The following TDRD15 variants were observed in gnomAD, a reference collection of about 807,000 sequenced individuals.
TDRD15 encodes tudor domain containing 15, also known as tudor domain-containing protein 15.
For synonymous variants in TDRD15, 503 were observed against 314.5 expected (o/e 1.60, Z -6.34); for missense variants, 1,416 against 904.7 (o/e 1.57, Z -7.25).
chr2:21,128,787 A>C (rs1380204556), intron 2 of TDRD15, among the ~76,000 whole-genome samples: 2 of 151,268 alleles, frequency 1.3e-5, no homozygotes, highest in Admixed American at 1.3e-4. Flanking sequence ...TTTTGAAAAG[A>C]ATTTTGTTTC....
At position 21,138,645 on chromosome 2, in the gene TDRD15, A is replaced by T. The variant is rs751383178; in HGVS notation, c.1178A>T (p.Asp393Val). The change falls in exon 4 of 4, where the codon GAT (aspartate) becomes GTT (valine). Residue 393 changes from aspartate (D) to valine (V), a missense_variant. By Grantham distance (152) the Asp-to-Val change is radical. Coordinates refer to ENST00000405799, the MANE Select transcript of TDRD15 (RefSeq NM_001306137.2). The part of the protein sequence containing the change: ...VYAHIDWFNK[D>V]ECLYYVTLQT... ...GCACACATTGATTGGTTCAATAAGG[A>T]TGAGTGTTTGTATTATGTGACATTA... 59 of 714,386 alleles carry T rather than the reference A, an allele frequency of 8.3e-5. No individual in the cohort carries two copies. The highest frequency in any genetic ancestry group is 2.0e-5 in the Admixed American group (1 of 49,692). The allele number at this position is 714,386 out of a possible 1,614,324, so 44.3% of individuals were successfully genotyped here. A position where few individuals can be genotyped will look rare whatever the true frequency, so the allele number is the denominator to read the frequency against.
At chr2:21,137,293 A>C (rs1475767128) in intron 3 of TDRD15, among the ~76,000 whole-genome samples, 172 bp from the exon 4 acceptor site, 1 of 151,988 alleles carries the variant, frequency 6.6e-6, no homozygotes, top group Non-Finnish European at 1.5e-5. Context: ...TGAATGTTAG[A>C]TTTTGTTTAT....
rs1458402081 is a variant in TDRD15, at chr2:21,140,374, A to G, written c.2907A>G (p.Val969=). 4.3e-6 allele frequency: 3 copies of G among 704,626 alleles called. No homozygotes were observed. Among genetic ancestry groups the G allele is most frequent in the East Asian group, 2.7e-5 (1 of 37,140 alleles). The allele number at this position is 704,626 out of a possible 1,614,324, so 43.6% of individuals were successfully genotyped here. ...FNIQIGSEEE[V]YISHIYSPQK... is the part of the protein sequence containing the mutation. ...TACAAATTGGAAGTGAAGAAGAAGTATATATATCTCACATATATAGTCCCC... is the reference window on the plus strand; with the variant it reads ...TACAAATTGGAAGTGAAGAAGAAGTGTATATATCTCACATATATAGTCCCC... Residue 969 remains valine, a synonymous_variant, in exon 4 of 4, where the codon GTA becomes GTG. Coordinates refer to ENST00000405799, the MANE Select transcript of TDRD15 (RefSeq NM_001306137.2).
intron 3 of TDRD15, among the ~76,000 whole-genome samples, chr2:21,135,362 A>G (rs1254126338): frequency 1.3e-5 from 2 of 151,690 alleles, no homozygotes; most frequent in African/African-American, 2.4e-5. Context: ...CAGGTGAAAG[A>G]GTTTGACTGA....
intron 2 of TDRD15, among the ~76,000 whole-genome samples, chr2:21,129,335 C>T (rs1227986631): frequency 1.3e-5 from 2 of 152,118 alleles, no homozygotes; most frequent in Non-Finnish European, 2.9e-5. Context: ...GTGCAGATTG[C>T]AGGAGGGTTC....
intron 1 of TDRD15, among the ~76,000 whole-genome samples, chr2:21,124,817 GGTGTGTGTGT>G (rs70939068): frequency 6.9e-5 from 8 of 115,848 alleles, no homozygotes; most frequent in South Asian, 3.2e-4. Flanking sequence ...CTAATGCCAG[GGTGTGTGTGT>G]GTGTGTGTGT....
At chr2:21,134,466 T>A (rs1665772001) in intron 2 of TDRD15, among the ~76,000 whole-genome samples, 2 of 152,094 alleles carry the variant, frequency 1.3e-5, no homozygotes, top group East Asian at 3.9e-4. Flanking sequence ...TGGAAGCAGG[T>A]AGACTGTTCC....
In TDRD15 at chr2:21,143,363, T is replaced by A; in HGVS notation, c.*91T>A. The A allele has an allele frequency of 2.1e-6, 1 of 484,034 alleles. No homozygotes were observed. Among genetic ancestry groups the A allele is most frequent in the Non-Finnish European group, 3.6e-6 (1 of 274,002 alleles). The allele number at this position is 484,034 out of a possible 1,614,324, so 30.0% of individuals were successfully genotyped here. On this transcript the variant is annotated 3_prime_UTR_variant, in exon 4 of 4. Coordinates refer to ENST00000405799, the MANE Select transcript of TDRD15 (RefSeq NM_001306137.2). ...TTACATACACTGAGAAACAAAAGTG[T>A]AAACAAATCTACAAAGAGGAAAGAT...
At position 21,144,063 on chromosome 2, in the gene TDRD15, A is replaced by G. The variant is rs1665992759; in HGVS notation, c.*791A>G. 6.6e-6 allele frequency among the ~76,000 whole-genome samples: 1 copy of G among 151,732 alleles called. No individual in the cohort carries two copies. The highest frequency in any genetic ancestry group is 1.5e-5 in the Non-Finnish European group (1 of 67,764). ...TTTTGAAGAATCATTTTTCTGTTAT[A>G]TATAGTTTTATATCATATGAAATGT... On this transcript the variant is annotated 3_prime_UTR_variant, in exon 4 of 4. Coordinates refer to ENST00000405799, the MANE Select transcript of TDRD15 (RefSeq NM_001306137.2).
intron 2 of TDRD15, among the ~76,000 whole-genome samples, chr2:21,133,008 G>A (rs1665749218): frequency 6.6e-6 from 1 of 152,190 alleles, no homozygotes; most frequent in African/African-American, 2.4e-5. Flanking sequence ...ACAACTAAAT[G>A]TATTTCCAGA....
intron 3 of TDRD15, among the ~76,000 whole-genome samples, chr2:21,137,255 T>C (rs1665824314): frequency 6.6e-6 from 1 of 152,044 alleles, no homozygotes; most frequent in Non-Finnish European, 1.5e-5. Context: ...ATTATTTCAA[T>C]GAAAAATTTT....
rs1394661617 is a variant in TDRD15, at chr2:21,140,436, A to T, written c.2969A>T (p.Asp990Val). Residue 990 changes from aspartate (D) to valine (V), a missense_variant, in exon 4 of 4, where the codon GAT (aspartate) becomes GTT (valine). Transcript: ENST00000405799. ...TGCCAGCTTGGCAGAAATAATAAAG[A>T]TCTAGAGATGATAGAAACAAAAATC... ...FYCQLGRNNK[D>V]LEMIETKITE... 3 of 701,228 alleles carry T rather than the reference A, an allele frequency of 4.3e-6. No homozygotes were observed. The South Asian group carries it at 4.7e-5, about 11-fold the overall frequency. 43.4% of individuals were successfully genotyped at this position (701,228 alleles called of 1,614,324 possible).
chr2:21,124,859 C>A, intron 1 of TDRD15, among the ~76,000 whole-genome samples: 1 of 132,744 alleles, frequency 7.5e-6, no homozygotes, highest in Non-Finnish European at 1.6e-5. Context: ...ATCCTAATGC[C>A]AGAGTGTGTG....
downstream of TDRD15, among the ~76,000 whole-genome samples, chr2:21,145,553 C>A (rs974354322): frequency 1.3e-5 from 2 of 151,688 alleles, no homozygotes; most frequent in Non-Finnish European, 2.9e-5. Context: ...AGTTAGAAAA[C>A]CAAACATTAA....
At chr2:21,146,545 A>G (rs1293871854), downstream of TDRD15, among the ~76,000 whole-genome samples, 3 of 152,000 alleles carry the variant, frequency 2.0e-5, no homozygotes, top group Non-Finnish European at 4.4e-5. Context: ...TTTGCCTGAC[A>G]GTCCTTGTAT....
At chr2:21,129,401 C>T (rs1264091055) in intron 2 of TDRD15, among the ~76,000 whole-genome samples, 2 of 152,182 alleles carry the variant, frequency 1.3e-5, no homozygotes, top group Non-Finnish European at 1.5e-5. Context: ...AAAATACAGT[C>T]ATCCTAGTGT....
rs1298932193 is a variant in TDRD15, at chr2:21,141,516, T to C, written c.4049T>C (p.Val1350Ala). Residue 1350 changes from valine (V) to alanine (A), a missense_variant, in exon 4 of 4, where the codon GTT (valine) becomes GCT (alanine). Coordinates refer to ENST00000405799, the MANE Select transcript of TDRD15 (RefSeq NM_001306137.2). ...AAACCTCTAGTGGGAGATCTTGTAGTTGCAGAATATTCTGGTGACAATGCC... is the reference window on the plus strand; with the variant it reads ...AAACCTCTAGTGGGAGATCTTGTAGCTGCAGAATATTCTGGTGACAATGCC... ...SVKPLVGDLVVAEYSGDNAIY... is the reference protein window; with the variant it reads ...SVKPLVGDLVAAEYSGDNAIY... 1.4e-6 allele frequency: 1 copy of C among 715,202 alleles called. No homozygotes were observed. The highest frequency in any genetic ancestry group is 2.6e-6 in the Non-Finnish European group (1 of 383,670). 44.3% of individuals were successfully genotyped at this position (715,202 alleles called of 1,614,324 possible). A position where few individuals can be genotyped will look rare whatever the true frequency, so the allele number is the denominator to read the frequency against.
chr2:21,126,100 T>C (rs1350299621), intron 1 of TDRD15, among the ~76,000 whole-genome samples: 2 of 152,110 alleles, frequency 1.3e-5, no homozygotes, highest in African/African-American at 4.8e-5. Context: ...AGTGTACAAT[T>C]TGACATTTGA....
chr2:21,128,584 A>G (rs1451379202), intron 2 of TDRD15, among the ~76,000 whole-genome samples: 1 of 151,918 alleles, frequency 6.6e-6, no homozygotes, highest in East Asian at 2.0e-4. Flanking sequence ...AGCCTCCCAA[A>G]TTGCTGGGAT....
Sources: gnomAD v4.1 joint callset for allele counts (sites outside exome capture counted in the v4.1 genomes callset) on GRCh38, gnomAD v4.1.1 for gene constraint, MANE v1.5 for transcripts, NCBI Gene and HGNC (gene_info 2026-07-23, HGNC 2026-07-21) for gene names.